The following EXOC6B variants were observed in gnomAD, a reference collection of about 807,000 sequenced individuals.
EXOC6B encodes the protein SEC15 homolog B.
Under a neutral mutation model 113.5 loss-of-function variants are expected in EXOC6B, and 54 were observed. The ratio of observed to expected loss-of-function variants is 0.48; its 90% CI spans 0.38 to 0.60. The LOEUF (loss-of-function observed/expected upper bound fraction) is 0.60, where lower values mean the gene tolerates loss of function less well. Ranked by LOEUF, EXOC6B falls within the 20% of genes least tolerant of loss-of-function variation. The pLI is 0.00. For synonymous variants in EXOC6B, 357 were observed against 339.0 expected, an observed-to-expected ratio of 1.05 and a Z score of -0.58; for missense variants, 797 against 977.5, an observed-to-expected ratio of 0.82 and a Z score of 2.46.
chr2:72,291,628 T>A (rs533641722), intron 20 of EXOC6B, among the ~76,000 whole-genome samples: 1 of 152,302 alleles, frequency 6.6e-6, no homozygotes, highest in South Asian at 2.1e-4. Context: ...ATTAGCTAAT[T>A]GTGAGGGAAA....
chr2:72,413,245 A>G (rs1482148374), intron 18 of EXOC6B, among the ~76,000 whole-genome samples: 3 of 151,186 alleles, frequency 2.0e-5, no homozygotes, highest in East Asian at 2.0e-4. Flanking sequence ...ACAGGCGTGA[A>G]CCACTGCGCC....
intron 1 of EXOC6B, among the ~76,000 whole-genome samples, chr2:72,787,325 C>T (rs906675609): frequency 6.6e-6 from 1 of 151,856 alleles, no homozygotes; most frequent in African/African-American, 2.4e-5. Flanking sequence ...AGTTCCTTCA[C>T]CTCAGCTTCC....
At chr2:72,668,641 T>C (rs1675565334) in intron 6 of EXOC6B, among the ~76,000 whole-genome samples, 1 of 152,116 alleles carries the variant, frequency 6.6e-6, no homozygotes, top group Admixed American at 6.5e-5. Context: ...CTAAAAGCCA[T>C]TATCCTAAGT....
At chr2:72,429,497 T>C (rs1206210886) in intron 18 of EXOC6B, among the ~76,000 whole-genome samples, 3 of 152,196 alleles carry the variant, frequency 2.0e-5, no homozygotes, top group Non-Finnish European at 4.4e-5. Flanking sequence ...TGATAATCAT[T>C]CTCTGAAACA....
At chr2:72,396,655 G>A (rs973369893) in intron 18 of EXOC6B, among the ~76,000 whole-genome samples, 7 of 152,010 alleles carry the variant, frequency 4.6e-5, no homozygotes, top group African/African-American at 1.7e-4. Flanking sequence ...GTGTTACAGA[G>A]AACCAGGATC....
Position 72,273,812 on chromosome 2 carries a change from A to G in EXOC6B, c.2196+61135T>C, listed in dbSNP as rs574438690. On this transcript the variant is annotated intron_variant, in intron 20 of 21. Coordinates refer to ENST00000272427, the MANE Select transcript of EXOC6B (RefSeq NM_015189.3). ...AAGAGTTTTAAGCAGAGGAATGATC[A>G]ATTTAATTTGTCTTTCAGAAAGGCC... 2.0e-5 allele frequency among the ~76,000 whole-genome samples: 3 copies of G among 152,242 alleles called. No individual in the cohort carries two copies. In the East Asian group the frequency reaches 5.8e-4, roughly 29 times the overall value.
chr2:72,200,641 T>C (rs1246210636), intron 20 of EXOC6B, among the ~76,000 whole-genome samples: 1 of 152,198 alleles, frequency 6.6e-6, no homozygotes, highest in East Asian at 1.9e-4. Context: ...TCTGGAAAGA[T>C]TCATTACAGC....
In EXOC6B at chr2:72,184,195, A is replaced by G. The variant is rs1678273991; in HGVS notation, c.2197-8T>C. 10 of 1,492,012 alleles carry G rather than the reference A, an allele frequency of 6.7e-6. No individual in the cohort carries two copies. The highest frequency in any genetic ancestry group is 7.3e-6 in the Non-Finnish European group (8 of 1,092,308). 92.4% of individuals were successfully genotyped at this position (1,492,012 alleles called of 1,614,324 possible). A position where few individuals can be genotyped will look rare whatever the true frequency, so the allele number is the denominator to read the frequency against. On this transcript the variant is annotated splice_polypyrimidine_tract_variant and splice_region_variant and intron_variant, in intron 20 of 21. Transcript: ENST00000272427. ...GATGAAAAGATCCAAAAGCTGTAAA[A>G]TATCCAAACCCCACCCCAGGGATTA... is the stretch of plus-strand genomic sequence containing the variant.
intron 19 of EXOC6B, among the ~76,000 whole-genome samples, chr2:72,347,612 TTTTA>T (rs1340994320): frequency 6.6e-6 from 1 of 152,088 alleles, no homozygotes; most frequent in African/African-American, 2.4e-5. Flanking sequence ...TAAGAATATA[TTTTA>T]TTTAACTCAA....
At chr2:72,536,563 A>G (rs1030973837) in intron 8 of EXOC6B, among the ~76,000 whole-genome samples, 1 of 152,216 alleles carries the variant, frequency 6.6e-6, no homozygotes, top group Non-Finnish European at 1.5e-5. Flanking sequence ...GGTTGTAAAT[A>G]CCAATTTCAC....
intron 1 of EXOC6B, among the ~76,000 whole-genome samples, chr2:72,804,587 T>C (rs1197914048): frequency 6.6e-6 from 1 of 151,928 alleles, no homozygotes; most frequent in Non-Finnish European, 1.5e-5. Context: ...TTACCCTTCA[T>C]TTAAACTTTT....
intron 1 of EXOC6B, among the ~76,000 whole-genome samples, chr2:72,803,127 A>G (rs1322442360): frequency 2.0e-5 from 3 of 152,184 alleles, no homozygotes; most frequent in South Asian, 2.1e-4. Flanking sequence ...GACCCCAAGC[A>G]TATTCAAAAT....
chr2:72,514,981 G>T (rs1016091502), intron 9 of EXOC6B, 62 bp downstream of exon 9: 7 of 1,210,394 alleles, frequency 5.8e-6, no homozygotes, highest in Non-Finnish European at 8.3e-6. Flanking sequence ...ACACACACAC[G>T]CATCAAAAGA....
chr2:72,474,227 A>C (rs1698590350), intron 17 of EXOC6B, among the ~76,000 whole-genome samples: 1 of 152,086 alleles, frequency 6.6e-6, no homozygotes, highest in Non-Finnish European at 1.5e-5. Context: ...GTTTAACTAT[A>C]ATGTGCCGTG....
intron 20 of EXOC6B, among the ~76,000 whole-genome samples, chr2:72,217,126 T>A (rs755905223): frequency 1.3e-5 from 2 of 152,108 alleles, no homozygotes; most frequent in African/African-American, 2.4e-5. Flanking sequence ...CCCAATTTTG[T>A]GAACTAAAGG....
intron 1 of EXOC6B, among the ~76,000 whole-genome samples, chr2:72,770,435 T>C (rs1462545062): frequency 6.6e-6 from 1 of 152,220 alleles, no homozygotes; most frequent in Admixed American, 6.5e-5. Flanking sequence ...ATACAGCTCA[T>C]CTGTCACATA....
rs897019454 is a variant in EXOC6B, at chr2:72,581,395, G to A, written c.670-5727C>T. 2.0e-5 allele frequency among the ~76,000 whole-genome samples: 3 copies of A among 152,230 alleles called. No homozygotes were observed. In the East Asian group the frequency reaches 5.8e-4, roughly 29 times the overall value. On this transcript the variant is annotated intron_variant, in intron 6 of 21. Coordinates refer to ENST00000272427, the MANE Select transcript of EXOC6B (RefSeq NM_015189.3). The stretch of plus-strand genomic sequence containing the variant: ...TCAGATAATCTCAAAAAAGTTATTT[G>A]TATGTTATTGTCCGTAGGAATGTGT...
chr2:72,333,557 A>T (rs979188579), intron 20 of EXOC6B, among the ~76,000 whole-genome samples: 1 of 152,160 alleles, frequency 6.6e-6, no homozygotes, highest in Non-Finnish European at 1.5e-5. Flanking sequence ...CAATCTTTCA[A>T]TCTTACATCA....
intron 18 of EXOC6B, among the ~76,000 whole-genome samples, chr2:72,432,976 T>C (rs776151418): frequency 6.6e-6 from 1 of 152,212 alleles, no homozygotes; most frequent in Non-Finnish European, 1.5e-5. Flanking sequence ...AGTCATAAAG[T>C]CTTTGCCCAT....
Sources: allele counts gnomAD v4.1 joint callset (sites outside exome capture counted in the v4.1 genomes callset), GRCh38; gene constraint gnomAD v4.1.1; transcripts MANE v1.5; gene names NCBI Gene and HGNC (gene_info 2026-07-23, HGNC 2026-07-21).